CLDN16: variants seen among roughly 807,000 people sequenced by gnomAD.
CLDN16 encodes the protein claudin-16.
In CLDN16, 13 loss-of-function variants were observed where a neutral mutation model predicts 24.6. The ratio of observed to expected loss-of-function variants is 0.53; its 90% CI spans 0.34 to 0.84. The LOEUF (loss-of-function observed/expected upper bound fraction) is 0.84. CLDN16 is among the 40% of genes least tolerant of loss of function. The pLI is 0.01. For missense variants in CLDN16, 298 were observed against 292.7 expected (o/e 1.02, Z -0.13); for synonymous variants, 116 against 106.7 (o/e 1.09, Z -0.54).
intron 1 of CLDN16, among the ~76,000 whole-genome samples, chr3:190,367,517 A>C (rs953275879): frequency 2.0e-5 from 3 of 151,970 alleles, no homozygotes; most frequent in Non-Finnish European, 4.4e-5. Flanking sequence ...GGAATATATA[A>C]TATATTAGGA....
intron 1 of CLDN16, among the ~76,000 whole-genome samples, chr3:190,331,256 G>T (rs923267862): frequency 6.6e-6 from 1 of 152,116 alleles, no homozygotes; most frequent in African/African-American, 2.4e-5. Flanking sequence ...TTCCTCTACC[G>T]TTGACATTAA....
the CLDN16 span, among the ~76,000 whole-genome samples, chr3:190,294,694 G>A: frequency 1.3e-5 from 2 of 151,930 alleles, no homozygotes; most frequent in Non-Finnish European, 2.9e-5. Flanking sequence ...TTCTTCTGAA[G>A]AACATTTTTT....
chr3:190,307,811 T>C, the CLDN16 span: 7,018 of 154,188 alleles, frequency 0.046, 537 homozygotes, highest in African/African-American at 0.16. Context: ...GATATTTGAC[T>C]GTTACATATG....
chr3:190,408,355 G>C lies in CLDN16; in HGVS notation c.424G>C (p.Val142Leu). 1 of 1,614,154 alleles carries C rather than the reference G, an allele frequency of 6.2e-7. No homozygotes were observed. The highest frequency in any genetic ancestry group is 2.2e-5 in the East Asian group (1 of 44,884). Residue 142 changes from valine (V) to leucine (L), a missense_variant, in exon 4 of 5, where the codon GTG becomes CTG. Coordinates refer to ENST00000264734, the MANE Select transcript of CLDN16 (RefSeq NM_006580.4). ...IIGSVWYAVD[V>L]YVERSTLVLH... ...TGGCTCTGTGTGGTATGCTGTTGAT[G>C]TGTATGTGGAACGTTCTACTTTGGT...
intron 2 of CLDN16, among the ~76,000 whole-genome samples, chr3:190,403,246 C>T (rs1032095770): frequency 5.3e-5 from 8 of 152,064 alleles, no homozygotes; most frequent in Non-Finnish European, 1.2e-4. Flanking sequence ...GCAGGAGAAT[C>T]ACTTGAACCC....
chr3:190,322,527 C>A, upstream of CLDN16: 1 of 337,224 alleles, frequency 3.0e-6, no homozygotes. Flanking sequence ...CTGGCGGTTT[C>A]AGGGCGGCTC....
the CLDN16 span, among the ~76,000 whole-genome samples, chr3:190,315,816 G>A: frequency 2.0e-5 from 3 of 152,194 alleles, no homozygotes; most frequent in Non-Finnish European, 2.9e-5. Context: ...CACTTAGATC[G>A]CAGAGTAGTC....
At chr3:190,310,913 A>G in the CLDN16 span, among the ~76,000 whole-genome samples, 1 of 152,240 alleles carries the variant, frequency 6.6e-6, no homozygotes, top group Non-Finnish European at 1.5e-5. Flanking sequence ...GAAATCATTT[A>G]GTCAAAATCA....
rs1717158363 is a variant in CLDN16 at position 190,330,419 on chromosome 3, A to T, written n.121+7758A>T. Among the ~76,000 whole-genome samples the T allele has an allele frequency of 4.6e-5, 7 of 152,242 alleles. No individual in the cohort carries two copies. The South Asian group carries it at 1.4e-3, about 31-fold the overall frequency. Reference sequence around the variant, plus strand: ...AAAAATGGCAAGAAGCATGAGCTGTAGCTTCAGATTGATGCATTCCAATCT... The same window carrying T: ...AAAAATGGCAAGAAGCATGAGCTGTTGCTTCAGATTGATGCATTCCAATCT... On this transcript the variant is annotated intron_variant and non_coding_transcript_variant, in intron 1 of 4. Coordinates refer to the CLDN16 transcript ENST00000468220.
the CLDN16 span, among the ~76,000 whole-genome samples, chr3:190,301,890 G>C: frequency 6.6e-6 from 1 of 152,060 alleles, no homozygotes; most frequent in Non-Finnish European, 1.5e-5. Context: ...CTCTTACTAC[G>C]TCTCAATTTA....
chr3:190,369,241 C>T (rs1302446934), intron 1 of CLDN16, among the ~76,000 whole-genome samples: 1 of 151,928 alleles, frequency 6.6e-6, no homozygotes, highest in Non-Finnish European at 1.5e-5. Flanking sequence ...TCCAAGGAGA[C>T]AGAATAAAGC....
At chr3:190,292,943 C>T in the CLDN16 span, among the ~76,000 whole-genome samples, 1 of 152,160 alleles carries the variant, frequency 6.6e-6, no homozygotes, top group Non-Finnish European at 1.5e-5. Context: ...CAAACTGTTC[C>T]AACCTCTGCC....
chr3:190,374,020 C>T (rs1414072137), intron 2 of CLDN16, among the ~76,000 whole-genome samples: 1 of 151,406 alleles, frequency 6.6e-6, no homozygotes, highest in African/African-American at 2.4e-5. Flanking sequence ...AGTTTAGCCC[C>T]AAATGCTTAT....
At chr3:190,333,425 A>G (rs1336981270) in intron 1 of CLDN16, among the ~76,000 whole-genome samples, 1 of 152,150 alleles carries the variant, frequency 6.6e-6, no homozygotes, top group African/African-American at 2.4e-5. Context: ...CTTTAAGTGT[A>G]TGCACTATTA....
the CLDN16 span, among the ~76,000 whole-genome samples, chr3:190,315,444 C>T: frequency 1.2e-4 from 18 of 152,176 alleles, no homozygotes; most frequent in East Asian, 1.2e-3. Context: ...TGCAGAACTT[C>T]GCAAATTAGG....
At position 190,411,526 on chromosome 3, in the gene CLDN16, A is replaced by G. The variant is rs1287946981; in HGVS notation, c.*1490A>G. 6.6e-6 allele frequency: 1 copy of G among 151,350 alleles called. No homozygotes were observed. Among genetic ancestry groups the G allele is most frequent in the African/African-American group, 2.5e-5 (1 of 40,670 alleles). The allele number at this position is 151,350 out of a possible 1,614,324, so 9.4% of individuals were successfully genotyped here. A position where few individuals can be genotyped will look rare whatever the true frequency, so the allele number is the denominator to read the frequency against. On this transcript the variant is annotated 3_prime_UTR_variant, in exon 5 of 5. Coordinates refer to ENST00000264734, the MANE Select transcript of CLDN16 (RefSeq NM_006580.4). ...TACCTGAAAAGAATATCAACCTGAA[A>G]AGAATATCAACTCACCCAGAAATTA...
intron 1 of CLDN16, among the ~76,000 whole-genome samples, chr3:190,337,590 T>G (rs981748936): frequency 1.3e-5 from 2 of 152,212 alleles, no homozygotes; most frequent in African/African-American, 4.8e-5. Context: ...ACCAACACAT[T>G]TCTGTGCTGA....
At chr3:190,402,140 G>A (rs1236029412) in intron 1 of CLDN16, among the ~76,000 whole-genome samples, 197 bp from the exon 2 acceptor site, 1 of 152,088 alleles carries the variant, frequency 6.6e-6, no homozygotes, top group Non-Finnish European at 1.5e-5. Flanking sequence ...TTCATTTCCT[G>A]GCCCAGAAAG....
chr3:190,391,319 A>T (rs956859621), intron 1 of CLDN16, among the ~76,000 whole-genome samples: 6 of 151,944 alleles, frequency 3.9e-5, no homozygotes, highest in African/African-American at 1.4e-4. Flanking sequence ...ATATAAAAGG[A>T]ATGATGCTAC....
Sources: gnomAD v4.1 joint callset for allele counts (sites outside exome capture counted in the v4.1 genomes callset) on GRCh38, gnomAD v4.1.1 for gene constraint, MANE v1.5 for transcripts, NCBI Gene and HGNC (gene_info 2026-07-23, HGNC 2026-07-21) for gene names.